Variants in KLRD1 observed in about 807,000 individuals in gnomAD.
KLRD1 encodes the protein killer cell lectin like receptor D1.
A neutral mutation model predicts 22.6 loss-of-function variants in KLRD1; 21 were observed. That is an observed-to-expected ratio of 0.93 (90% CI 0.66 to 1.34). KLRD1 has a LOEUF of 1.34. KLRD1 is among the 40% of genes most tolerant of loss of function. KLRD1 has a pLI of 0.00. For synonymous variants in KLRD1, 59 were observed against 71.1 expected, an observed-to-expected ratio of 0.83 and a Z score of 0.85; for missense variants, 183 against 208.6, an observed-to-expected ratio of 0.88 and a Z score of 0.76.
Position 10,319,372 on chromosome 12 carries a change from G to A in KLRD1, c.*4579G>A, listed in dbSNP as rs1950289159. 1 of 152,174 alleles carries A rather than the reference G, an allele frequency of 6.6e-6. No homozygotes were observed. The highest frequency in any genetic ancestry group is 2.4e-5 in the African/African-American group (1 of 41,432). The allele number at this position is 152,174 out of a possible 1,614,324, so 9.4% of individuals were successfully genotyped here. ...AAGGGTGACAATCTACAAATTATGTGTTATAGACAAGTTGCAAGATGTTCA... is the reference window on the plus strand; with the variant it reads ...AAGGGTGACAATCTACAAATTATGTATTATAGACAAGTTGCAAGATGTTCA... On this transcript the variant is annotated 3_prime_UTR_variant, in exon 6 of 6. Transcript: ENST00000336164.
intron 5 of KLRD1, 100 bp from the exon 6 acceptor site, chr12:10,314,573 T>A: frequency 9.3e-7 from 1 of 1,074,836 alleles, no homozygotes; most frequent in Non-Finnish European, 1.3e-6. Context: ...TGTTAGTATC[T>A]CACTCAAATG....
At chr12:10,298,997 G>A (rs975564205) in intron 1 of KLRD1, among the ~76,000 whole-genome samples, 1 of 152,128 alleles carries the variant, frequency 6.6e-6, no homozygotes, top group African/African-American at 2.4e-5. Context: ...AGCTTACCCT[G>A]GTCCTGCCCC....
chr12:10,329,201 G>A lies in KLRD1; in HGVS notation c.*14408G>A. ...TTACTACATCCCATAAGTTTTGTTA[G>A]ACTTTATTTTTGTTTTCATTTATTC... On this transcript the variant is annotated 3_prime_UTR_variant, in exon 6 of 6. Coordinates refer to ENST00000336164, the MANE Select transcript of KLRD1 (RefSeq NM_002262.5). 1 of 152,008 alleles carries A rather than the reference G, an allele frequency of 6.6e-6. No individual in the cohort carries two copies. Among genetic ancestry groups the A allele is most frequent in the Non-Finnish European group, 1.5e-5 (1 of 67,976 alleles). The allele number at this position is 152,008 out of a possible 1,614,324, so 9.4% of individuals were successfully genotyped here.
chr12:10,289,576 A>G (rs1353387229), intron 1 of KLRD1, among the ~76,000 whole-genome samples: 2 of 151,848 alleles, frequency 1.3e-5, no homozygotes, highest in South Asian at 2.1e-4. Flanking sequence ...ACTTATATGC[A>G]TAACTTGAAC....
chr12:10,270,536 C>A (rs766460638), intron 1 of KLRD1, among the ~76,000 whole-genome samples: 2 of 152,094 alleles, frequency 1.3e-5, no homozygotes, highest in Non-Finnish European at 2.9e-5. Flanking sequence ...AATATTTAAC[C>A]CACTTGAATT....
intron 1 of KLRD1, among the ~76,000 whole-genome samples, chr12:10,241,793 T>G (rs1475367440): frequency 6.6e-6 from 1 of 152,182 alleles, no homozygotes; most frequent in Non-Finnish European, 1.5e-5. Flanking sequence ...TATGCATACA[T>G]GTATATGCAC....
intron 1 of KLRD1, among the ~76,000 whole-genome samples, chr12:10,244,201 A>G (rs989055317): frequency 2.0e-5 from 3 of 152,116 alleles, no homozygotes; most frequent in Non-Finnish European, 4.4e-5. Flanking sequence ...ATAGAACTCT[A>G]TCCTATGATT....
intron 1 of KLRD1, among the ~76,000 whole-genome samples, chr12:10,254,787 G>A (rs1949378711): frequency 6.6e-6 from 1 of 152,030 alleles, no homozygotes; most frequent in Non-Finnish European, 1.5e-5. Flanking sequence ...CAGCTACTCT[G>A]GAGGCTGAGG....
intron 1 of KLRD1, among the ~76,000 whole-genome samples, chr12:10,283,860 T>C (rs950344757): frequency 1.3e-5 from 2 of 152,044 alleles, no homozygotes; most frequent in Non-Finnish European, 2.9e-5. Flanking sequence ...TTGGGAGAGA[T>C]ACTTCTCATA....
chr12:10,281,038 GC>G (rs1349925848), intron 1 of KLRD1, among the ~76,000 whole-genome samples: 11 of 152,186 alleles, frequency 7.2e-5, no homozygotes, highest in African/African-American at 2.7e-4. Flanking sequence ...ACCTTATAGG[GC>G]GAGAGATACT....
chr12:10,261,148 T>A (rs1009842967), intron 1 of KLRD1, among the ~76,000 whole-genome samples: 11 of 152,162 alleles, frequency 7.2e-5, no homozygotes, highest in Admixed American at 5.2e-4. Context: ...TGGAAGAGAC[T>A]TTCTGGTGTG....
At chr12:10,251,677 A>AT (rs1341783906) in intron 1 of KLRD1, among the ~76,000 whole-genome samples, 4 of 151,830 alleles carry the variant, frequency 2.6e-5, no homozygotes, top group African/African-American at 9.7e-5. Flanking sequence ...CCCTGAGCTT[A>AT]TTTTTGTGCA....
chr12:10,249,777 T>A (rs73066004), intron 1 of KLRD1, among the ~76,000 whole-genome samples: 169 of 152,298 alleles, frequency 1.1e-3, no homozygotes, highest in Non-Finnish European at 2.1e-3. Flanking sequence ...TGAGAAGGAC[T>A]CCTGGAGGCT....
chr12:10,276,127 T>G (rs1335286645), intron 1 of KLRD1, among the ~76,000 whole-genome samples: 1 of 152,194 alleles, frequency 6.6e-6, no homozygotes, highest in Non-Finnish European at 1.5e-5. Context: ...TGTATGTAAT[T>G]TCTTTGTATG....
rs1286707402 is a variant in KLRD1, at chr12:10,323,182, GA to G, written c.*8390del. On this transcript the variant is annotated 3_prime_UTR_variant, in exon 6 of 6. Transcript: ENST00000336164. ...TCATATCTTTTGAGTGTACGCCTAG[GA>G]GTTGAATTTCTAAGTCATAAGCTGT... is the stretch of plus-strand genomic sequence containing the variant. 6.6e-6 allele frequency: 1 copy of G among 152,156 alleles called. No homozygotes were observed. Among genetic ancestry groups the G allele is most frequent in the Non-Finnish European group, 1.5e-5 (1 of 68,036 alleles). 9.4% of individuals were successfully genotyped at this position (152,156 alleles called of 1,614,324 possible).
chr12:10,273,978 G>A (rs941597199), intron 1 of KLRD1, among the ~76,000 whole-genome samples: 8 of 151,974 alleles, frequency 5.3e-5, no homozygotes, highest in Non-Finnish European at 1.0e-4. Flanking sequence ...ATCACAATGG[G>A]TTCTTAAAAA....
chr12:10,271,881 C>T (rs563484987), intron 1 of KLRD1, among the ~76,000 whole-genome samples: 3 of 151,830 alleles, frequency 2.0e-5, no homozygotes, highest in East Asian at 1.9e-4. Context: ...TTCTTAGTTC[C>T]TTATCTATAA....
chr12:10,274,304 T>C (rs1190995799), intron 1 of KLRD1, among the ~76,000 whole-genome samples: 3 of 152,090 alleles, frequency 2.0e-5, no homozygotes, highest in African/African-American at 7.2e-5. Context: ...TTTTAAATGT[T>C]ACAGGTTATT....
chr12:10,292,692 A>G (rs775408725), intron 1 of KLRD1, among the ~76,000 whole-genome samples: 6 of 152,138 alleles, frequency 3.9e-5, no homozygotes, highest in Non-Finnish European at 7.4e-5. Context: ...AGGGTCCTAA[A>G]TTGTTTGGAA....
Sources: allele counts gnomAD v4.1 joint callset (sites outside exome capture counted in the v4.1 genomes callset), GRCh38; gene constraint gnomAD v4.1.1; transcripts MANE v1.5; gene names NCBI Gene and HGNC (gene_info 2026-07-23, HGNC 2026-07-21).